The following EYA4 variants were observed in gnomAD, a reference collection of about 807,000 sequenced individuals.
EYA4 encodes protein phosphatase EYA4.
In EYA4, 31 loss-of-function variants were observed where a neutral mutation model predicts 87.9. The observed-to-expected ratio is 0.35, with a 90% confidence interval of 0.27 to 0.48. The LOEUF (loss-of-function observed/expected upper bound fraction) is 0.48, where lower values mean the gene tolerates loss of function less well. Among genes scored for constraint, EYA4 ranks in the 20% least tolerant of loss-of-function variants. The probability of loss-of-function intolerance (pLI) is 0.99; values close to 1 mark genes in which losing one functional copy is unlikely to be tolerated. For missense variants in EYA4, 678 were observed against 761.4 expected (o/e 0.89, Z 1.29); for synonymous variants, 263 against 270.6 (o/e 0.97, Z 0.28).
At position 133,512,743 on chromosome 6, in the gene EYA4, A is replaced by G. The variant is rs977093056; in HGVS notation, c.1304A>G (p.Asp435Gly). ...DLEECDQVHI[D>G]DVSSDDNGQD... ...CAGGAGTGTGATCAAGTTCATATAG[A>G]TGATGTTTCCTCTGATGATAATGGG... The change falls in exon 15 of 20, where the codon GAT becomes GGT. Residue 435 changes from aspartate to glycine, a missense_variant. By Grantham distance (94) the Asp-to-Gly change is moderately conservative. Transcript: ENST00000355286. 6.2e-7 allele frequency: 1 copy of G among 1,612,812 alleles called. No individual in the cohort carries two copies. Among genetic ancestry groups the G allele is most frequent in the Non-Finnish European group, 8.5e-7 (1 of 1,178,882 alleles).
chr6:133,298,229 C>T (rs1582884041), intron 2 of EYA4, among the ~76,000 whole-genome samples: 1 of 152,148 alleles, frequency 6.6e-6, no homozygotes, highest in Non-Finnish European at 1.5e-5. Flanking sequence ...TCACTAAAGT[C>T]TTTGAGTCTA....
chr6:133,322,556 A>C (rs1410014951), intron 2 of EYA4, among the ~76,000 whole-genome samples: 1 of 152,166 alleles, frequency 6.6e-6, no homozygotes, highest in Non-Finnish European at 1.5e-5. Flanking sequence ...TTTTTCAGCA[A>C]TATGTACCAT....
chr6:133,321,989 A>T (rs574716788), intron 2 of EYA4, among the ~76,000 whole-genome samples: 1 of 152,294 alleles, frequency 6.6e-6, no homozygotes, highest in African/African-American at 2.4e-5. Flanking sequence ...TATTTAAAAG[A>T]TATCAGTTAC....
intron 14 of EYA4, among the ~76,000 whole-genome samples, chr6:133,508,183 A>G (rs927674523): frequency 6.6e-6 from 1 of 152,132 alleles, no homozygotes; most frequent in Non-Finnish European, 1.5e-5. Flanking sequence ...ACTGAATAAT[A>G]CAATTACTGT....
intron 2 of EYA4, among the ~76,000 whole-genome samples, chr6:133,354,108 G>A (rs1562321608): frequency 2.0e-5 from 3 of 152,092 alleles, no homozygotes; most frequent in South Asian, 2.1e-4. Context: ...ATTACTGGAT[G>A]TGCTATAGTA....
intron 2 of EYA4, among the ~76,000 whole-genome samples, chr6:133,378,926 G>GGTGTGTGTGTGTGTGTGT (rs10681162): frequency 5.6e-5 from 8 of 141,726 alleles, no homozygotes; most frequent in African/African-American, 2.1e-4. Flanking sequence ...TTTCTGTCTT[G>GGTGTGTGTGTGTGTGTGT]GTGTGTGTGT....
chr6:133,329,681 G>A (rs1781769469), intron 2 of EYA4, among the ~76,000 whole-genome samples: 1 of 152,032 alleles, frequency 6.6e-6, no homozygotes, highest in Non-Finnish European at 1.5e-5. Flanking sequence ...CCAATAAAAT[G>A]AAATATAATG....
intron 14 of EYA4, among the ~76,000 whole-genome samples, chr6:133,509,862 A>ATGAT (rs1798992193): frequency 6.6e-6 from 1 of 152,190 alleles, no homozygotes; most frequent in African/African-American, 2.4e-5. Flanking sequence ...TTTGGTCAAA[A>ATGAT]TGATTCTTAC....
chr6:133,494,361 C>T (rs886870765), intron 13 of EYA4, among the ~76,000 whole-genome samples: 8 of 152,014 alleles, frequency 5.3e-5, no homozygotes, highest in East Asian at 1.9e-4. Flanking sequence ...AGCTAAAAAA[C>T]GAACTAATGG....
At chr6:133,521,566 A>C (rs1278715685) in intron 17 of EYA4, among the ~76,000 whole-genome samples, 1 of 121,236 alleles carries the variant, frequency 8.2e-6, no homozygotes, top group African/African-American at 3.3e-5. Context: ...GCGATTCCTC[A>C]GGGATCTAGA....
chr6:133,252,928 T>G (rs1775018473), intron 1 of EYA4, among the ~76,000 whole-genome samples: 1 of 147,436 alleles, frequency 6.8e-6, no homozygotes, highest in Non-Finnish European at 1.5e-5. Flanking sequence ...GTAGGCAGGG[T>G]AGAGGTACTT....
rs143613363 is a variant in EYA4 at position 133,274,813 on chromosome 6, A to G, written c.33A>G (p.Ser11=). The G allele has an allele frequency of 2.5e-6, 4 of 1,613,414 alleles. No homozygotes were observed. The African/African-American group carries it at 4.0e-5, about 16-fold the overall frequency. MEDSQDLNEQ[S]VKKTCTESDV... ...ACTCCCAGGATTTAAATGAACAATC[A>G]GTAAGTCTTCATTCTCAGTTTTGCT... is the stretch of plus-strand genomic sequence containing the variant. Residue 11 remains serine (S), a splice_region_variant and synonymous_variant, in exon 2 of 20, where the codon TCA becomes TCG. Transcript: ENST00000355286.
rs529161931 is a variant in EYA4 at position 133,455,205 on chromosome 6, T to A, written c.278-1351T>A. 2.6e-5 allele frequency among the ~76,000 whole-genome samples: 4 copies of A among 152,308 alleles called. No homozygotes were observed. The East Asian group carries it at 7.7e-4, about 29-fold the overall frequency. On this transcript the variant is annotated intron_variant, in intron 5 of 19. Coordinates refer to ENST00000355286, the MANE Select transcript of EYA4 (RefSeq NM_004100.5). Reference sequence around the variant, plus strand: ...TGATAAGGTATAACCATAATAGGGATTACTGTGCAAATTACTACTGAAAAG... The same window carrying A: ...TGATAAGGTATAACCATAATAGGGAATACTGTGCAAATTACTACTGAAAAG...
At chr6:133,330,603 G>A (rs947881888) in intron 2 of EYA4, among the ~76,000 whole-genome samples, 1 of 149,902 alleles carries the variant, frequency 6.7e-6, no homozygotes, top group Non-Finnish European at 1.5e-5. Context: ...ATACTTTTTT[G>A]GGGGGGATAA....
chr6:133,512,181 G>C (rs951682960), intron 14 of EYA4, among the ~76,000 whole-genome samples: 1 of 152,038 alleles, frequency 6.6e-6, no homozygotes, highest in African/African-American at 2.4e-5. Flanking sequence ...TGTGTCAAAA[G>C]ACTAGGACCT....
At chr6:133,309,959 A>G (rs1185867359) in intron 2 of EYA4, among the ~76,000 whole-genome samples, 1 of 152,226 alleles carries the variant, frequency 6.6e-6, no homozygotes, top group Non-Finnish European at 1.5e-5. Context: ...TTAAAAAAGA[A>G]GGGTATCTCT....
intron 3 of EYA4, among the ~76,000 whole-genome samples, chr6:133,442,932 AT>A (rs1159444897): frequency 6.6e-6 from 1 of 152,088 alleles, no homozygotes; most frequent in Non-Finnish European, 1.5e-5. Context: ...ATTGAATTAC[AT>A]TGATTTCCAC....
At chr6:133,271,933 C>A (rs578061608) in intron 1 of EYA4, among the ~76,000 whole-genome samples, 3 of 152,326 alleles carry the variant, frequency 2.0e-5, no homozygotes, top group Admixed American at 2.0e-4. Flanking sequence ...TCAGAGAGGT[C>A]TATTCACATA....
chr6:133,448,297 A>T, intron 5 of EYA4, 118 bp downstream of exon 5: 1 of 768,606 alleles, frequency 1.3e-6, no homozygotes, highest in Non-Finnish European at 2.3e-6. Context: ...CTTAAAAAGG[A>T]AAAATGAACA....
Sources: gnomAD v4.1 joint callset for allele counts (sites outside exome capture counted in the v4.1 genomes callset) on GRCh38, gnomAD v4.1.1 for gene constraint, MANE v1.5 for transcripts, NCBI Gene and HGNC (gene_info 2026-07-23, HGNC 2026-07-21) for gene names.